PRMT3: variants seen among roughly 807,000 people sequenced by gnomAD.
PRMT3 encodes the protein protein arginine N-methyltransferase 3.
PRMT3 carries 62 observed loss-of-function variants against 71.9 expected under a neutral mutation model. That is an observed-to-expected ratio of 0.86 (90% CI 0.70 to 1.07). The LOEUF (loss-of-function observed/expected upper bound fraction) is 1.07. Ranked by LOEUF, PRMT3 falls within the 50% of genes least tolerant of loss-of-function variation. The pLI, the probability that PRMT3 is intolerant of heterozygous loss-of-function variation, is 0.00. For missense variants in PRMT3, 663 were observed against 643.0 expected (o/e 1.03, Z -0.34); for synonymous variants, 213 against 220.4 (o/e 0.97, Z 0.30).
intron 11 of PRMT3, among the ~76,000 whole-genome samples, chr11:20,454,790 A>T (rs763841611): frequency 2.6e-5 from 4 of 152,124 alleles, no homozygotes; most frequent in Non-Finnish European, 5.9e-5. Context: ...TTGAAGGCCC[A>T]TACAAACGTG....
chr11:20,398,607 G>A (rs768542903), intron 7 of PRMT3, among the ~76,000 whole-genome samples: 4 of 152,056 alleles, frequency 2.6e-5, no homozygotes, highest in African/African-American at 4.8e-5. Flanking sequence ...TGCCCGCCAC[G>A]GCGCCTGGCT....
chr11:20,427,303 A>G (rs1565207769), intron 10 of PRMT3, among the ~76,000 whole-genome samples: 2 of 152,238 alleles, frequency 1.3e-5, no homozygotes, highest in Non-Finnish European at 2.9e-5. Flanking sequence ...ATCAATGTCC[A>G]TTATCACATA....
chr11:20,493,372 T>G (rs780137634), intron 13 of PRMT3, among the ~76,000 whole-genome samples: 11 of 152,260 alleles, frequency 7.2e-5, no homozygotes, highest in African/African-American at 9.6e-5. Flanking sequence ...TAGGATGTTT[T>G]AATTATTTAT....
At chr11:20,506,815 A>C (rs2133712204) in intron 15 of PRMT3, among the ~76,000 whole-genome samples, 1 of 152,340 alleles carries the variant, frequency 6.6e-6, no homozygotes, top group East Asian at 1.9e-4. Flanking sequence ...ACAACTTAGC[A>C]ATTTGTTACT....
intron 13 of PRMT3, among the ~76,000 whole-genome samples, chr11:20,481,599 A>G (rs1850938219): frequency 6.6e-6 from 1 of 152,136 alleles, no homozygotes; most frequent in African/African-American, 2.4e-5. Flanking sequence ...TGACATCTTA[A>G]GAGATTTTCC....
At chr11:20,440,982 A>T (rs1365793422) in intron 10 of PRMT3, among the ~76,000 whole-genome samples, 2 of 83,784 alleles carry the variant, frequency 2.4e-5, no homozygotes, top group Non-Finnish European at 5.9e-5. Context: ...CTTAATCTGT[A>T]GTTTCACCTC....
chr11:20,446,024 A>G (rs1198527389), intron 10 of PRMT3, among the ~76,000 whole-genome samples: 1 of 152,136 alleles, frequency 6.6e-6, no homozygotes, highest in Non-Finnish European at 1.5e-5. Context: ...TTATTACGCA[A>G]ATAATAGTGC....
At chr11:20,419,263 G>A (rs537560796) in intron 9 of PRMT3, among the ~76,000 whole-genome samples, 3 of 152,308 alleles carry the variant, frequency 2.0e-5, no homozygotes, top group African/African-American at 7.2e-5. Flanking sequence ...ATGAAACTGA[G>A]CACCTTTTCA....
At chr11:20,434,903 T>G (rs903107135) in intron 10 of PRMT3, among the ~76,000 whole-genome samples, 21 of 152,240 alleles carry the variant, frequency 1.4e-4, no homozygotes, top group African/African-American at 5.1e-4. Flanking sequence ...AAATAGTTTT[T>G]CCTAGTTCTG....
At chr11:20,491,101 A>G (rs1851196091) in intron 13 of PRMT3, among the ~76,000 whole-genome samples, 1 of 152,074 alleles carries the variant, frequency 6.6e-6, no homozygotes, top group Admixed American at 6.6e-5. Flanking sequence ...CTTCAAATTC[A>G]CTGATTTTTT....
chr11:20,427,063 C>T (rs1244734339), intron 10 of PRMT3, among the ~76,000 whole-genome samples, 198 bp downstream of exon 10: 3 of 151,794 alleles, frequency 2.0e-5, no homozygotes, highest in African/African-American at 7.3e-5. Context: ...CTGAAATGGC[C>T]CTTATTTATT....
intron 10 of PRMT3, among the ~76,000 whole-genome samples, chr11:20,431,376 G>A (rs10741839): frequency 1.3e-5 from 2 of 151,880 alleles, no homozygotes; most frequent in East Asian, 1.9e-4. Context: ...AGGTTTTTTT[G>A]TGAGGATTAA....
intron 9 of PRMT3, among the ~76,000 whole-genome samples, chr11:20,423,363 ATAT>A (rs1849467939): frequency 6.6e-6 from 1 of 152,138 alleles, no homozygotes; most frequent in African/African-American, 2.4e-5. Flanking sequence ...ATTGGCAGTA[ATAT>A]TGTTGTACAG....
chr11:20,494,278 A>G (rs757401326), intron 15 of PRMT3, 24 bp downstream of exon 15: 5 of 1,490,152 alleles, frequency 3.4e-6, no homozygotes, highest in Middle Eastern at 1.7e-4. Context: ...GTAGGGGGGA[A>G]GTATCTTATT....
chr11:20,502,458 G>T (rs1851480482), intron 15 of PRMT3, among the ~76,000 whole-genome samples: 1 of 152,132 alleles, frequency 6.6e-6, no homozygotes, highest in Non-Finnish European at 1.5e-5. Context: ...TGAAAATCAT[G>T]GTTATCAGCA....
intron 10 of PRMT3, among the ~76,000 whole-genome samples, chr11:20,438,298 A>G (rs1184540530): frequency 6.6e-6 from 1 of 151,532 alleles, no homozygotes; most frequent in Non-Finnish European, 1.5e-5. Context: ...TACACTGTAC[A>G]GTAGTGACTT....
At chr11:20,495,141 G>A (rs1332396932) in intron 15 of PRMT3, among the ~76,000 whole-genome samples, 1 of 152,016 alleles carries the variant, frequency 6.6e-6, no homozygotes, top group Non-Finnish European at 1.5e-5. Context: ...CAATTCTCCT[G>A]CCTCAGTCTC....
intron 10 of PRMT3, among the ~76,000 whole-genome samples, chr11:20,438,412 C>T (rs925265637): frequency 1.3e-5 from 2 of 151,986 alleles, no homozygotes; most frequent in African/African-American, 4.8e-5. Flanking sequence ...TCATTTGGGC[C>T]CTAAGGGTGG....
At chr11:20,389,884 GCTCACAC>G (rs1174977965) in intron 3 of PRMT3, 58 bp downstream of exon 3, 3 of 1,260,076 alleles carry the variant, frequency 2.4e-6, no homozygotes, top group Non-Finnish European at 3.5e-6. Context: ...AGGCATGGCA[GCTCACAC>G]CTGTAATCCC....
Sources: allele counts gnomAD v4.1 joint callset (sites outside exome capture counted in the v4.1 genomes callset), GRCh38; gene constraint gnomAD v4.1.1; transcripts MANE v1.5; gene names NCBI Gene and HGNC (gene_info 2026-07-23, HGNC 2026-07-21).